PRKG1: variants seen among roughly 807,000 people sequenced by gnomAD.
PRKG1 encodes the protein protein kinase cGMP-dependent 1.
In PRKG1, 35 loss-of-function variants were observed where a neutral mutation model predicts 88.1. The ratio of observed to expected loss-of-function variants is 0.40; its 90% CI spans 0.30 to 0.53. PRKG1 has a LOEUF of 0.53. PRKG1 is among the 20% of genes least tolerant of loss of function. The probability of loss-of-function intolerance (pLI) is 0.59; values close to 1 mark genes in which losing one functional copy is unlikely to be tolerated. For missense variants in PRKG1, 540 were observed against 839.8 expected (o/e 0.64, Z 4.41); for synonymous variants, 303 against 292.5 (o/e 1.04, Z -0.37).
At position 51,598,065 on chromosome 10, in the gene PRKG1, G is replaced by A. The variant is rs117435165; in HGVS notation, c.592+130229G>A. Among the ~76,000 whole-genome samples, 538 of 152,200 alleles carry A rather than the reference G, an allele frequency of 3.5e-3. 1 individual carries two copies. Among genetic ancestry groups the A allele is most frequent in the Non-Finnish European group, 5.6e-3 (379 of 68,016 alleles). On this transcript the variant is annotated intron_variant, in intron 3 of 17. Coordinates refer to ENST00000373980, the MANE Select transcript of PRKG1 (RefSeq NM_006258.4). ...CTAAAAAAACTAAGTAGCTGCATAG[G>A]CCTTACTTTAGAGGAGCTAGCATTG...
chr10:52,133,544 A>G (rs956971784), intron 7 of PRKG1, among the ~76,000 whole-genome samples: 1 of 152,120 alleles, frequency 6.6e-6, no homozygotes, highest in Non-Finnish European at 1.5e-5. Flanking sequence ...TCATTATCCA[A>G]CTATTTTATT....
At chr10:51,525,266 G>A (rs1343039350) in intron 3 of PRKG1, among the ~76,000 whole-genome samples, 1 of 149,892 alleles carries the variant, frequency 6.7e-6, no homozygotes, top group Non-Finnish European at 1.5e-5. Flanking sequence ...GGGAAGGAAG[G>A]AAAAAAAGGA....
At chr10:52,001,148 G>T (rs1589503599) in intron 5 of PRKG1, among the ~76,000 whole-genome samples, 1 of 151,878 alleles carries the variant, frequency 6.6e-6, no homozygotes, top group Admixed American at 6.6e-5. Context: ...TGTCCTGCAG[G>T]TTCAACCATG....
At chr10:51,574,345 G>GGGGA (rs1462682597) in intron 3 of PRKG1, among the ~76,000 whole-genome samples, 1 of 151,854 alleles carries the variant, frequency 6.6e-6, no homozygotes, top group African/African-American at 2.4e-5. Flanking sequence ...AAATTCCAAA[G>GGGGA]GGGAGGGTTG....
At chr10:51,288,791 G>C (rs2339710) in intron 2 of PRKG1, among the ~76,000 whole-genome samples, 1 of 151,962 alleles carries the variant, frequency 6.6e-6, no homozygotes, top group Admixed American at 6.6e-5. Context: ...GGAGCAAAGA[G>C]GTATGTGTAG....
At chr10:51,689,424 G>A (rs1361928143) in intron 3 of PRKG1, among the ~76,000 whole-genome samples, 3 of 152,032 alleles carry the variant, frequency 2.0e-5, no homozygotes, top group African/African-American at 4.8e-5. Flanking sequence ...ATTTGTTTGG[G>A]AACAAACATG....
intron 5 of PRKG1, among the ~76,000 whole-genome samples, chr10:52,036,981 C>T (rs1432827341): frequency 6.6e-6 from 1 of 152,278 alleles, no homozygotes; most frequent in African/African-American, 2.4e-5. Context: ...GGAAGCTCGG[C>T]GTCTGTGATG....
At chr10:51,147,888 A>G (rs2131966105) in intron 1 of PRKG1, among the ~76,000 whole-genome samples, 1 of 152,304 alleles carries the variant, frequency 6.6e-6, no homozygotes, top group East Asian at 1.9e-4. Context: ...TTGAGGGAAT[A>G]TCTAAATTGG....
At chr10:52,226,715 A>G (rs1045715099) in intron 9 of PRKG1, among the ~76,000 whole-genome samples, 1 of 152,110 alleles carries the variant, frequency 6.6e-6, no homozygotes, top group Non-Finnish European at 1.5e-5. Flanking sequence ...CAGAGACTCC[A>G]GAGTAGGAAA....
At chr10:52,036,203 A>G (rs1845605860) in intron 5 of PRKG1, among the ~76,000 whole-genome samples, 1 of 151,928 alleles carries the variant, frequency 6.6e-6, no homozygotes, top group Admixed American at 6.6e-5. Context: ...GAAAGTGAAG[A>G]GAGGCTGGGA....
chr10:51,995,539 T>C (rs1844418300), intron 5 of PRKG1, among the ~76,000 whole-genome samples: 1 of 152,150 alleles, frequency 6.6e-6, no homozygotes, highest in South Asian at 2.1e-4. Flanking sequence ...ATTATAATAA[T>C]GATTATGTTA....
At chr10:51,641,168 T>C (rs1839790005) in intron 3 of PRKG1, among the ~76,000 whole-genome samples, 1 of 152,148 alleles carries the variant, frequency 6.6e-6, no homozygotes, top group Non-Finnish European at 1.5e-5. Flanking sequence ...TGGGTTAGCA[T>C]CCAGAAGTGA....
intron 2 of PRKG1, among the ~76,000 whole-genome samples, chr10:51,157,833 T>C (rs1350071098): frequency 1.4e-5 from 2 of 141,210 alleles, no homozygotes; most frequent in Admixed American, 6.9e-5. Context: ...AATTTTATTT[T>C]TGCATTTCAA....
At chr10:51,349,673 A>G (rs1486208237) in intron 2 of PRKG1, among the ~76,000 whole-genome samples, 3 of 151,756 alleles carry the variant, frequency 2.0e-5, no homozygotes, top group Non-Finnish European at 4.4e-5. Context: ...CGCCCAGCTA[A>G]TTTTTGTATT....
intron 9 of PRKG1, among the ~76,000 whole-genome samples, chr10:52,178,093 T>A (rs761277886): frequency 3.9e-5 from 6 of 151,970 alleles, no homozygotes; most frequent in Non-Finnish European, 8.8e-5. Flanking sequence ...ATTACATTGT[T>A]TATTTGAAAT....
At chr10:51,392,669 G>C (rs903100277) in intron 2 of PRKG1, among the ~76,000 whole-genome samples, 6 of 151,626 alleles carry the variant, frequency 4.0e-5, no homozygotes, top group Non-Finnish European at 7.4e-5. Context: ...ACGGGGTGGT[G>C]GCTGGGCAGA....
At chr10:51,402,505 A>G (rs1003446489) in intron 2 of PRKG1, among the ~76,000 whole-genome samples, 1 of 152,208 alleles carries the variant, frequency 6.6e-6, no homozygotes, top group Non-Finnish European at 1.5e-5. Context: ...CAGCTACCTA[A>G]GGAAGAATCA....
Position 52,081,535 on chromosome 10 carries a change from T to C in PRKG1, c.935+18904T>C. ...ATTAAGGTAGGAATTCTATAACATA[T>C]CTTAATTTGATTGATTAATCATAAT... On this transcript the variant is annotated intron_variant, in intron 7 of 17. Transcript: ENST00000373980. 1.8e-5 allele frequency: 8 copies of C among 454,876 alleles called. 1 individual carries two copies. The highest frequency in any genetic ancestry group is 9.3e-5 in the South Asian group (6 of 64,318). The allele number at this position is 454,876 out of a possible 1,614,324, so 28.2% of individuals were successfully genotyped here.
chr10:51,452,934 G>T (rs887639250), intron 2 of PRKG1, among the ~76,000 whole-genome samples: 4 of 151,634 alleles, frequency 2.6e-5, no homozygotes, highest in Non-Finnish European at 5.9e-5. Flanking sequence ...AATTTTTTTT[G>T]TTGGTAATTC....
Sources: allele counts gnomAD v4.1 joint callset (sites outside exome capture counted in the v4.1 genomes callset), GRCh38; gene constraint gnomAD v4.1.1; transcripts MANE v1.5; gene names NCBI Gene and HGNC (gene_info 2026-07-23, HGNC 2026-07-21).